The following ANO10 variants were observed in gnomAD, a reference collection of about 807,000 sequenced individuals.
ANO10 encodes the protein anoctamin-10.
In ANO10, 77 loss-of-function variants were observed where a neutral mutation model predicts 74.7. The ratio of observed to expected loss-of-function variants is 1.03; its 90% CI spans 0.86 to 1.25. The LOEUF (loss-of-function observed/expected upper bound fraction) is 1.25, where lower values mean the gene tolerates loss of function less well. Among genes scored for constraint, ANO10 ranks in the 50% most tolerant of loss-of-function variants. The probability of loss-of-function intolerance (pLI) is 0.00; values close to 1 mark genes in which losing one functional copy is unlikely to be tolerated. For missense variants in ANO10, 721 were observed against 778.1 expected (o/e 0.93, Z 0.87); for synonymous variants, 279 against 284.9 (o/e 0.98, Z 0.21).
intron 1 of ANO10, among the ~76,000 whole-genome samples, chr3:43,649,929 G>A (rs78672150): frequency 0.031 from 4,735 of 152,282 alleles, 180 homozygotes; most frequent in African/African-American, 0.086. Flanking sequence ...AGTGTCCAGG[G>A]GTCGGAGGCT....
At chr3:43,652,946 C>A (rs532061826) in intron 1 of ANO10, 1 of 151,966 alleles carries the variant, frequency 6.6e-6, no homozygotes, top group South Asian at 2.1e-4. Context: ...GTGGCTCATA[C>A]CTGTAATCCC....
In ANO10 at chr3:43,549,645, C is replaced by A. The variant is rs1261600824; in HGVS notation, c.1797+75G>T. On this transcript the variant is annotated intron_variant, in intron 11 of 12. Coordinates refer to ENST00000292246, the MANE Select transcript of ANO10 (RefSeq NM_018075.5). ...TTGCTCAATTGTCAGTCATGGACAG[C>A]CCGAGACAGCACTGCTTTGGAATAG... 2.6e-6 allele frequency: 4 copies of A among 1,546,124 alleles called. No individual in the cohort carries two copies. In the East Asian group the frequency reaches 6.7e-5, roughly 26 times the overall value.
At chr3:43,514,807 A>G (rs2077644442) in intron 11 of ANO10, among the ~76,000 whole-genome samples, 1 of 152,244 alleles carries the variant, frequency 6.6e-6, no homozygotes. Context: ...TTAAATTAGA[A>G]ATCAGTAGCA....
intron 11 of ANO10, among the ~76,000 whole-genome samples, chr3:43,442,145 C>T (rs1559547771): frequency 6.6e-6 from 1 of 151,716 alleles, no homozygotes; most frequent in Non-Finnish European, 1.5e-5. Flanking sequence ...ACTGGAAGTC[C>T]AGTACTTTCT....
intron 11 of ANO10, among the ~76,000 whole-genome samples, chr3:43,474,970 A>G (rs558003008): frequency 5.3e-5 from 8 of 152,278 alleles, no homozygotes; most frequent in Non-Finnish European, 1.2e-4. Flanking sequence ...ATAGTAGGAG[A>G]AAAGAAAGAA....
At chr3:43,488,762 C>T (rs1213817953) in intron 11 of ANO10, among the ~76,000 whole-genome samples, 24 of 152,224 alleles carry the variant, frequency 1.6e-4, no homozygotes, top group African/African-American at 5.1e-4. Flanking sequence ...GTTGGTGTGG[C>T]GATTCCTCAG....
intron 12 of ANO10, among the ~76,000 whole-genome samples, chr3:43,401,581 CAGGCAAAATG>C (rs1251661029): frequency 6.6e-6 from 1 of 152,134 alleles, no homozygotes; most frequent in Non-Finnish European, 1.5e-5. Flanking sequence ...CAATTTGTTT[CAGGCAAAATG>C]AACTATTATG....
chr3:43,489,087 G>A (rs1298639386), intron 11 of ANO10, among the ~76,000 whole-genome samples: 1 of 148,932 alleles, frequency 6.7e-6, no homozygotes, highest in Non-Finnish European at 1.5e-5. Context: ...ACCAAACACC[G>A]CATATTCTCA....
At chr3:43,506,071 C>T (rs2077283581) in intron 11 of ANO10, among the ~76,000 whole-genome samples, 1 of 152,140 alleles carries the variant, frequency 6.6e-6, no homozygotes. Context: ...AATAAGTACA[C>T]TTTAATGCAT....
chr3:43,495,201 T>C (rs1239693222), intron 11 of ANO10, among the ~76,000 whole-genome samples: 1 of 152,016 alleles, frequency 6.6e-6, no homozygotes, highest in Non-Finnish European at 1.5e-5. Context: ...GTTGGACTCC[T>C]ACTTCAAAAC....
At chr3:43,449,096 C>G (rs2074727005) in intron 11 of ANO10, among the ~76,000 whole-genome samples, 2 of 152,036 alleles carry the variant, frequency 1.3e-5, no homozygotes, top group Non-Finnish European at 2.9e-5. Flanking sequence ...AGGATGGTCT[C>G]TATCTCCTGA....
chr3:43,510,557 T>C (rs1402676141), intron 11 of ANO10, among the ~76,000 whole-genome samples: 1 of 152,084 alleles, frequency 6.6e-6, no homozygotes, highest in Non-Finnish European at 1.5e-5. Context: ...AGCTCTACAG[T>C]TCTACAAAAT....
In ANO10 at chr3:43,521,968, G is replaced by C. The variant is rs2077976866; in HGVS notation, c.1797+27752C>G. Among the ~76,000 whole-genome samples the C allele has an allele frequency of 2.6e-5, 4 of 152,152 alleles. No individual in the cohort carries two copies. In the South Asian group the frequency reaches 8.3e-4, roughly 32 times the overall value. ...TGACATATTATTTAGCCATAAAAAG[G>C]AATGAGGTTCTGATACATACTATAA... On this transcript the variant is annotated intron_variant, in intron 11 of 12. Transcript: ENST00000292246.
At chr3:43,432,777 G>A (rs771262060) in intron 11 of ANO10, 50 bp from the exon 12 acceptor site, 1 of 1,190,638 alleles carries the variant, frequency 8.4e-7, no homozygotes, top group Admixed American at 1.7e-5. Flanking sequence ...GACCATATAT[G>A]CAAGGAAATA....
intron 11 of ANO10, among the ~76,000 whole-genome samples, chr3:43,435,320 A>G (rs1372928490): frequency 2.6e-5 from 4 of 152,040 alleles, no homozygotes; most frequent in Non-Finnish European, 5.9e-5. Context: ...ACCAGCCTGG[A>G]CAACTTGGGG....
chr3:43,571,583 G>C (rs1023766992), intron 7 of ANO10, among the ~76,000 whole-genome samples: 3 of 149,360 alleles, frequency 2.0e-5, no homozygotes, highest in African/African-American at 7.4e-5. Flanking sequence ...ACTATCGCAA[G>C]AACAAAAAAC....
upstream of ANO10, among the ~76,000 whole-genome samples, chr3:43,625,646 G>T (rs995009066): frequency 6.6e-6 from 1 of 152,076 alleles, no homozygotes; most frequent in Non-Finnish European, 1.5e-5. Context: ...AGAGACATTT[G>T]TCTTTCATTT....
intron 12 of ANO10, among the ~76,000 whole-genome samples, chr3:43,405,391 ACTGACCATC>A (rs1223768361): frequency 6.6e-6 from 1 of 152,234 alleles, no homozygotes; most frequent in Non-Finnish European, 1.5e-5. Flanking sequence ...CAGAAGTCCC[ACTGACCATC>A]CATGAACTCA....
At chr3:43,437,639 A>G (rs2093089895) in intron 11 of ANO10, among the ~76,000 whole-genome samples, 2 of 152,198 alleles carry the variant, frequency 1.3e-5, no homozygotes, top group Non-Finnish European at 2.9e-5. Context: ...CCAGAGGCAG[A>G]AAGAAATTAC....
Sources: gnomAD v4.1 joint callset for allele counts (sites outside exome capture counted in the v4.1 genomes callset) on GRCh38, gnomAD v4.1.1 for gene constraint, MANE v1.5 for transcripts, NCBI Gene and HGNC (gene_info 2026-07-23, HGNC 2026-07-21) for gene names.